Variants in OXSR1 observed in about 807,000 individuals in gnomAD.
OXSR1 encodes the protein serine/threonine-protein kinase OSR1.
Under a neutral mutation model 79.8 loss-of-function variants are expected in OXSR1, and 24 were observed. The observed-to-expected ratio is 0.30, with a 90% CI of 0.22 to 0.42. The LOEUF (loss-of-function observed/expected upper bound fraction) is 0.42. Among genes scored for constraint, OXSR1 ranks in the 10% least tolerant of loss-of-function variants. The probability of loss-of-function intolerance (pLI) is 1.00; values close to 1 mark genes in which losing one functional copy is unlikely to be tolerated. For synonymous variants in OXSR1, 226 were observed against 209.2 expected, an observed-to-expected ratio of 1.08 and a Z score of -0.69; for missense variants, 430 against 618.4, an observed-to-expected ratio of 0.70 and a Z score of 3.23.
chr3:38,242,090 C>G (rs1703047550), intron 11 of OXSR1, among the ~76,000 whole-genome samples: 1 of 152,100 alleles, frequency 6.6e-6, no homozygotes, highest in African/African-American at 2.4e-5. Flanking sequence ...TTTCATATGG[C>G]AGATTGTAAT....
intron 11 of OXSR1, among the ~76,000 whole-genome samples, chr3:38,242,408 T>C (rs946670214): frequency 6.6e-6 from 1 of 152,244 alleles, no homozygotes; most frequent in Non-Finnish European, 1.5e-5. Context: ...TGGGATCTTA[T>C]ATACATAATA....
chr3:38,218,680 G>T (rs954292517), intron 5 of OXSR1, among the ~76,000 whole-genome samples: 1 of 152,018 alleles, frequency 6.6e-6, no homozygotes, highest in Admixed American at 6.6e-5. Context: ...TTAAAATTTT[G>T]ATTATCTACT....
At chr3:38,193,082 T>C (rs1225652088) in intron 3 of OXSR1, among the ~76,000 whole-genome samples, 2 of 152,242 alleles carry the variant, frequency 1.3e-5, no homozygotes, top group African/African-American at 2.4e-5. Context: ...AACTTTTTAC[T>C]TGTCTGTTAA....
At chr3:38,238,773 A>G (rs1480629273) in intron 11 of OXSR1, among the ~76,000 whole-genome samples, 7 of 151,850 alleles carry the variant, frequency 4.6e-5, no homozygotes, top group South Asian at 4.1e-4. Context: ...TTTGATTGTG[A>G]TATGCCTAGG....
Position 38,221,642 on chromosome 3 carries a change from C to T in OXSR1, c.555C>T (p.Thr185=). Residue 185 remains threonine, a synonymous_variant, in exon 6 of 18, where the codon ACC becomes ACT. Coordinates refer to ENST00000311806, the MANE Select transcript of OXSR1 (RefSeq NM_005109.3). ...TTACCCGAAATAAAGTGAGAAAGAC[C>T]TTTGTTGGCACCCCTTGTTGGATGG... The part of the protein sequence containing the change: ...GDITRNKVRK[T]FVGTPCWMAP... 6.2e-7 allele frequency: 1 copy of T among 1,613,090 alleles called. No individual in the cohort carries two copies. The highest frequency in any genetic ancestry group is 8.5e-7 in the Non-Finnish European group (1 of 1,179,274).
chr3:38,190,266 C>G (rs1360514233), intron 2 of OXSR1, among the ~76,000 whole-genome samples: 2 of 152,028 alleles, frequency 1.3e-5, no homozygotes, highest in Non-Finnish European at 2.9e-5. Context: ...TGTCCTGTTT[C>G]AGTTTGTTTC....
intron 5 of OXSR1, among the ~76,000 whole-genome samples, chr3:38,217,511 G>A (rs987816703): frequency 2.6e-5 from 4 of 151,858 alleles, no homozygotes; most frequent in Non-Finnish European, 4.4e-5. Flanking sequence ...CTGGAATACC[G>A]GGTTTTTGTT....
At chr3:38,164,910 G>A (rs1701402680), upstream of OXSR1, among the ~76,000 whole-genome samples, 1 of 152,176 alleles carries the variant, frequency 6.6e-6, no homozygotes, top group African/African-American at 2.4e-5. Flanking sequence ...TCCGACCAGT[G>A]GCCCAAGGCC....
chr3:38,220,474 G>A (rs1489686833), intron 5 of OXSR1, among the ~76,000 whole-genome samples: 2 of 152,080 alleles, frequency 1.3e-5, no homozygotes, highest in African/African-American at 2.4e-5. Flanking sequence ...AAAACAAAAG[G>A]GGAGTCAGAA....
Position 38,216,121 on chromosome 3 carries a change from C to A in OXSR1, c.460C>A (p.Leu154Ile). 2 of 1,578,284 alleles carry A rather than the reference C, an allele frequency of 1.3e-6. No homozygotes were observed. The highest frequency in any genetic ancestry group is 1.7e-6 in the Non-Finnish European group (2 of 1,157,730). The change falls in exon 5 of 18, where the codon CTT becomes ATT. Residue 154 changes from leucine (L) to isoleucine (I), a missense_variant. By Grantham distance (5) the Leu-to-Ile change is conservative (BLOSUM62 2). Transcript: ENST00000311806. ...HRDVKAGNILLGEDGSVQIAD... is the reference protein window; with the variant it reads ...HRDVKAGNILIGEDGSVQIAD... ...AGATGTGAAAGCTGGAAACATTCTT[C>A]TTGGAGAAGATGGCTCAGTACAGAT... is the stretch of plus-strand genomic sequence containing the variant.
chr3:38,248,865 C>A (rs948177494), intron 14 of OXSR1, among the ~76,000 whole-genome samples: 5 of 152,046 alleles, frequency 3.3e-5, no homozygotes, highest in Non-Finnish European at 7.4e-5. Context: ...TAAGCACAGA[C>A]TATGTATAGC....
chr3:38,203,322 T>A (rs1030917507), intron 4 of OXSR1, among the ~76,000 whole-genome samples: 1 of 152,140 alleles, frequency 6.6e-6, no homozygotes. Context: ...TTGTATGCAA[T>A]AAATATCAGC....
intron 2 of OXSR1, among the ~76,000 whole-genome samples, chr3:38,188,342 A>G (rs1407756709): frequency 1.3e-5 from 2 of 152,114 alleles, no homozygotes; most frequent in African/African-American, 4.8e-5. Context: ...TTTCATTCAT[A>G]CTGTCACTAA....
At chr3:38,237,072 T>G in intron 11 of OXSR1, 111 bp downstream of exon 11, 15 of 925,212 alleles carry the variant, frequency 1.6e-5, no homozygotes, top group Non-Finnish European at 2.4e-5. Context: ...TTGAACAGCT[T>G]ATTAATAATA....
intron 4 of OXSR1, among the ~76,000 whole-genome samples, chr3:38,199,969 C>G (rs112667292): frequency 7.9e-5 from 12 of 152,164 alleles, no homozygotes; most frequent in African/African-American, 2.9e-4. Flanking sequence ...CTCTTTGCTC[C>G]TGGGTGGGGA....
chr3:38,174,904 C>G (rs1338997392), intron 1 of OXSR1, among the ~76,000 whole-genome samples: 1 of 152,178 alleles, frequency 6.6e-6, no homozygotes, highest in Non-Finnish European at 1.5e-5. Flanking sequence ...TGCTTGAATA[C>G]TTACTTGAAG....
chr3:38,165,979 G>C (rs1316696328), intron 1 of OXSR1, 33 bp downstream of exon 1: 2 of 1,576,702 alleles, frequency 1.3e-6, no homozygotes, highest in African/African-American at 2.7e-5. Context: ...GGGGAGGCGC[G>C]GCGCTGGGAG....
intron 1 of OXSR1, among the ~76,000 whole-genome samples, chr3:38,181,130 T>A (rs77531485): frequency 6.6e-6 from 1 of 151,608 alleles, no homozygotes; most frequent in Non-Finnish European, 1.5e-5. Flanking sequence ...TTTTTTTTTT[T>A]CCCTAGTCTG....
chr3:38,217,024 G>A (rs1486448609), intron 5 of OXSR1, among the ~76,000 whole-genome samples: 1 of 152,066 alleles, frequency 6.6e-6, no homozygotes, highest in Non-Finnish European at 1.5e-5. Context: ...GAAGATATTT[G>A]CAGCATGAAT....
Sources: gnomAD v4.1 joint callset for allele counts (sites outside exome capture counted in the v4.1 genomes callset) on GRCh38, gnomAD v4.1.1 for gene constraint, MANE v1.5 for transcripts, NCBI Gene and HGNC (gene_info 2026-07-23, HGNC 2026-07-21) for gene names.